Variants in GASK1B observed in about 807,000 individuals in gnomAD.
GASK1B encodes golgi associated kinase 1B, also known as Golgi-associated kinase 1B.
Under a neutral mutation model 42.8 loss-of-function variants are expected in GASK1B, and 34 were observed. The ratio of observed to expected loss-of-function variants is 0.79; its 90% CI spans 0.60 to 1.06. The LOEUF (loss-of-function observed/expected upper bound fraction) is 1.06, where lower values mean the gene tolerates loss of function less well. Ranked by LOEUF, GASK1B falls within the 50% of genes least tolerant of loss-of-function variation. The pLI, the probability that GASK1B is intolerant of heterozygous loss-of-function variation, is 0.00. For synonymous variants in GASK1B, 262 were observed against 259.1 expected (o/e 1.01, Z -0.11); for missense variants, 686 against 661.0 (o/e 1.04, Z -0.42).
intron 2 of GASK1B, among the ~76,000 whole-genome samples, chr4:158,163,873 G>A (rs988073485): frequency 1.2e-4 from 18 of 152,094 alleles, no homozygotes; most frequent in Non-Finnish European, 2.5e-4. Context: ...TAGTATCCGG[G>A]GCAGTGCCTC....
chr4:158,170,960 G>T lies in GASK1B; in HGVS notation c.416C>A (p.Ala139Asp), dbSNP rs751165201. ...RRKKHAVASA[A>D]PGQEALVGPS... ...TCCGACCAAAGCCTCCTGCCCTGGG[G>T]CAGCCGATGCCACTGCATGCTTTTT... The change falls in exon 2 of 5, where the codon GCC becomes GAC. Residue 139 changes from alanine to aspartate, a missense_variant. By Grantham distance (126) the Ala-to-Asp change is moderately radical. Transcript: ENST00000585682. 6.2e-7 allele frequency: 1 copy of T among 1,614,040 alleles called. No homozygotes were observed. The highest frequency in any genetic ancestry group is 8.5e-7 in the Non-Finnish European group (1 of 1,180,036).
intron 2 of GASK1B, chr4:158,167,325 C>T (rs1209681792): frequency 6.6e-6 from 1 of 152,196 alleles, no homozygotes; most frequent in Admixed American, 6.5e-5. Flanking sequence ...GTGATGCCAA[C>T]ACACCACACT....
chr4:158,133,455 T>A (rs1579009237), intron 3 of GASK1B, among the ~76,000 whole-genome samples: 1 of 152,268 alleles, frequency 6.6e-6, no homozygotes, highest in African/African-American at 2.4e-5. Flanking sequence ...TTCATAGTAG[T>A]GGGGAAAGGA....
intron 3 of GASK1B, among the ~76,000 whole-genome samples, chr4:158,153,434 G>A (rs865903944): frequency 1.1e-4 from 17 of 152,158 alleles, no homozygotes; most frequent in East Asian, 5.8e-4. Flanking sequence ...CCTGCTAAAA[G>A]CAATCTACAA....
Position 158,171,316 on chromosome 4 carries a change from G to C in GASK1B, c.60C>G (p.Val20=). The C allele has an allele frequency of 6.2e-7, 1 of 1,612,554 alleles. No homozygotes were observed. Among genetic ancestry groups the C allele is most frequent in the Non-Finnish European group, 8.5e-7 (1 of 1,179,294 alleles). The change falls in exon 2 of 5, where the codon GTC becomes GTG. Residue 20 remains valine, a synonymous_variant. Coordinates refer to ENST00000585682, the MANE Select transcript of GASK1B (RefSeq NM_001128424.2). The part of the protein sequence containing the change: ...LINWFICSLC[V]PRVRKLWSSR... ...TGCTCCAGAGCTTACGCACCCGCGGGACGCACAGGGAGCAGATGAACCAGT... is the reference window on the plus strand; with the variant it reads ...TGCTCCAGAGCTTACGCACCCGCGGCACGCACAGGGAGCAGATGAACCAGT...
Position 158,171,139 on chromosome 4 carries a change from T to C in GASK1B, c.237A>G (p.Pro79=). 1.2e-6 allele frequency: 2 copies of C among 1,608,310 alleles called. No individual in the cohort carries two copies. The highest frequency in any genetic ancestry group is 8.5e-7 in the Non-Finnish European group (1 of 1,175,800). Residue 79 remains proline (P), a synonymous_variant, in exon 2 of 5, where the codon CCA becomes CCG. Coordinates refer to ENST00000585682, the MANE Select transcript of GASK1B (RefSeq NM_001128424.2). ...CATCCAGGGGTATCTCAGGGAAGGA[T>C]GGCTCGGCGGTGTCGCGGCTGCGAT... ...GPHRSRDTAE[P]SFPEIPLDGT...
chr4:158,145,564 C>G lies in GASK1B; in HGVS notation c.1125+10047G>C, dbSNP rs542921232. ...ATAGACTCTCTTCCCGTCTCTTGTA[C>G]TCACCTAATTTCTGCAGGTTTTTCC... On this transcript the variant is annotated intron_variant, in intron 3 of 4. Transcript: ENST00000585682. Among the ~76,000 whole-genome samples, 279 of 152,278 alleles carry G rather than the reference C, an allele frequency of 1.8e-3. 3 individuals carry two copies. The highest frequency in any genetic ancestry group is 3.5e-3 in the Non-Finnish European group (237 of 68,020).
intron 3 of GASK1B, among the ~76,000 whole-genome samples, chr4:158,136,446 G>A (rs1420947582): frequency 1.3e-5 from 2 of 152,154 alleles, no homozygotes; most frequent in Non-Finnish European, 2.9e-5. Context: ...TGGAAGAAAG[G>A]TTGAAGGCAA....
intron 3 of GASK1B, among the ~76,000 whole-genome samples, chr4:158,145,994 T>G (rs1022555174): frequency 6.6e-6 from 1 of 152,254 alleles, no homozygotes; most frequent in Non-Finnish European, 1.5e-5. Context: ...ATTAAATATT[T>G]TTTATTTGTT....
In GASK1B at chr4:158,126,615, T is replaced by C. The variant is rs1730463456; in HGVS notation, c.*792A>G. On this transcript the variant is annotated 3_prime_UTR_variant, in exon 5 of 5. Coordinates refer to ENST00000585682, the MANE Select transcript of GASK1B (RefSeq NM_001128424.2). ...ACATCCATTTTAAAATGATACTCTG[T>C]AAGTACATTTTCAGATAGGTAACTT... is the stretch of plus-strand genomic sequence containing the variant. The C allele has an allele frequency of 6.6e-6, 1 of 152,138 alleles. No homozygotes were observed. Among genetic ancestry groups the C allele is most frequent in the Non-Finnish European group, 1.5e-5 (1 of 68,004 alleles). 9.4% of individuals were successfully genotyped at this position (152,138 alleles called of 1,614,324 possible).
intron 3 of GASK1B, among the ~76,000 whole-genome samples, chr4:158,139,484 A>C (rs2110949633): frequency 6.6e-6 from 1 of 152,292 alleles, no homozygotes; most frequent in Admixed American, 6.5e-5. Flanking sequence ...AATACCTTTG[A>C]AGTTACTAGA....
chr4:158,158,645 T>C (rs200988455), intron 2 of GASK1B, among the ~76,000 whole-genome samples: 1 of 152,020 alleles, frequency 6.6e-6, no homozygotes, highest in African/African-American at 2.4e-5. Flanking sequence ...AGGCAGAGAG[T>C]AAATATTTTA....
chr4:158,158,201 T>A (rs1013178341), intron 2 of GASK1B, among the ~76,000 whole-genome samples: 21 of 152,250 alleles, frequency 1.4e-4, no homozygotes, highest in Admixed American at 1.2e-3. Flanking sequence ...ACTGACCTTA[T>A]CAGGAAGAAA....
rs781731698 is a variant in GASK1B, at chr4:158,170,991, GC to G, written c.384del (p.Lys128AsnfsTer35). ...GATGCCACTGCATGCTTTTTCCTGC[GC>G]TTGGGCTTCACGGTGCCACGGATAT... Reference protein sequence around the residue: ...PANIRGTVKPKRRKKHAVASA... With the variant: ...PANIRGTVKPXRRKKHAVASA... On this transcript the variant is annotated frameshift_variant, in exon 2 of 5. Transcript: ENST00000585682. LOFTEE classifies it high-confidence loss of function. 1 of 1,614,208 alleles carries G rather than the reference GC, an allele frequency of 6.2e-7. No homozygotes were observed. The highest frequency in any genetic ancestry group is 1.1e-5 in the South Asian group (1 of 91,078).
chr4:158,152,139 C>A (rs1731581541), intron 3 of GASK1B, among the ~76,000 whole-genome samples: 1 of 152,144 alleles, frequency 6.6e-6, no homozygotes, highest in African/African-American at 2.4e-5. Flanking sequence ...GTCTCTCAGG[C>A]CTTTGGCCAC....
chr4:158,170,163 C>A, intron 2 of GASK1B: 1 of 1,470,176 alleles, frequency 6.8e-7, no homozygotes, highest in Admixed American at 2.0e-5. Context: ...ATGCAAATTG[C>A]CGTTGGCTTT....
intron 3 of GASK1B, among the ~76,000 whole-genome samples, chr4:158,133,727 T>A (rs916932253): frequency 7.2e-5 from 11 of 152,254 alleles, no homozygotes; most frequent in Non-Finnish European, 1.3e-4. Flanking sequence ...TAATTTTGAA[T>A]CACTCAACTG....
chr4:158,151,071 A>C (rs1031751464), intron 3 of GASK1B, among the ~76,000 whole-genome samples: 1 of 152,232 alleles, frequency 6.6e-6, no homozygotes, highest in East Asian at 1.9e-4. Context: ...AATTTCCACA[A>C]GATACTAGTT....
At chr4:158,149,963 C>T (rs1464105294) in intron 3 of GASK1B, among the ~76,000 whole-genome samples, 3 of 91,328 alleles carry the variant, frequency 3.3e-5, no homozygotes, top group East Asian at 3.7e-4. Context: ...CTCACTCTGT[C>T]GCCCAGTTTG....
Sources: allele counts gnomAD v4.1 joint callset (sites outside exome capture counted in the v4.1 genomes callset), GRCh38; gene constraint gnomAD v4.1.1; transcripts MANE v1.5; gene names NCBI Gene and HGNC (gene_info 2026-07-23, HGNC 2026-07-21).